The following NKAIN3 variants were observed in gnomAD, a reference collection of about 807,000 sequenced individuals.
The protein encoded by NKAIN3 is sodium/potassium transporting ATPase interacting 3.
In NKAIN3, 25 loss-of-function variants were observed where a neutral mutation model predicts 30.2. The ratio of observed to expected loss-of-function variants is 0.83; its 90% CI spans 0.60 to 1.16. The LOEUF is 1.16. Ranked by LOEUF, NKAIN3 falls within the 50% of genes most tolerant of loss-of-function variation. The probability of loss-of-function intolerance (pLI) is 0.00; values close to 1 mark genes in which losing one functional copy is unlikely to be tolerated. For missense variants in NKAIN3, 225 were observed against 254.1 expected (o/e 0.89, Z 0.78); for synonymous variants, 91 against 89.6 (o/e 1.02, Z -0.09).
At chr8:62,762,417 A>C (rs528423969) in intron 4 of NKAIN3, among the ~76,000 whole-genome samples, 2 of 152,356 alleles carry the variant, frequency 1.3e-5, no homozygotes, top group South Asian at 4.1e-4. Context: ...ACAAAAATTC[A>C]TATGGGTAGA....
chr8:62,846,056 T>C lies in NKAIN3; in HGVS notation c.472-72397T>C, dbSNP rs541259046. ...AATTGCTATCCATAAGATAGAAAAATCTCAATTAGAACTTGAATTCTTAAA... is the reference window on the plus strand; with the variant it reads ...AATTGCTATCCATAAGATAGAAAAACCTCAATTAGAACTTGAATTCTTAAA... On this transcript the variant is annotated intron_variant, in intron 4 of 6. Transcript: ENST00000623646. 9.2e-5 allele frequency among the ~76,000 whole-genome samples: 14 copies of C among 152,172 alleles called. 1 individual carries two copies. The South Asian group carries it at 2.9e-3, about 32-fold the overall frequency.
rs145975432 is a variant in NKAIN3 at position 62,562,949 on chromosome 8, C to T, written c.55-16590C>T. Reference sequence around the variant, plus strand: ...TAACCCTGTCTCCTGTCGTCTCATGCTGGGTTGCCATTTACGTAAAACCAC... The same window carrying T: ...TAACCCTGTCTCCTGTCGTCTCATGTTGGGTTGCCATTTACGTAAAACCAC... On this transcript the variant is annotated intron_variant, in intron 1 of 6. Transcript: ENST00000623646. Among the ~76,000 whole-genome samples, 17 of 152,174 alleles carry T rather than the reference C, an allele frequency of 1.1e-4. No individual in the cohort carries two copies. In the East Asian group the frequency reaches 3.3e-3, roughly 30 times the overall value.
At chr8:62,385,763 G>A (rs1817408602) in intron 1 of NKAIN3, among the ~76,000 whole-genome samples, 1 of 152,128 alleles carries the variant, frequency 6.6e-6, no homozygotes, top group Admixed American at 6.6e-5. Flanking sequence ...GCCTTTTCCA[G>A]AATGGTGTAT....
At position 62,400,168 on chromosome 8, in the gene NKAIN3, T is replaced by TC. The variant is rs528210845; in HGVS notation, c.54+151041_54+151042insC. Among the ~76,000 whole-genome samples, 152 of 146,850 alleles carry TC rather than the reference T, an allele frequency of 1.0e-3. 1 individual carries two copies. The highest frequency in any genetic ancestry group is 3.7e-3 in the African/African-American group (147 of 39,932). ...TGTGGTAGATGCTATATTTTCTTTTTTTTTTTTTTTTTTTTGAGACAGAGT... is the reference window on the plus strand; with the variant it reads ...TGTGGTAGATGCTATATTTTCTTTTTCTTTTTTTTTTTTTTTGAGACAGAGT... On this transcript the variant is annotated intron_variant, in intron 1 of 6. Transcript: ENST00000623646.
At chr8:62,330,395 G>A (rs565161581) in intron 1 of NKAIN3, among the ~76,000 whole-genome samples, 1 of 152,160 alleles carries the variant, frequency 6.6e-6, no homozygotes, top group East Asian at 1.9e-4. Context: ...AAGGTCCTGG[G>A]AGTCTAAGAG....
intron 4 of NKAIN3, chr8:62,855,656 T>C: frequency 6.2e-7 from 1 of 1,604,290 alleles, no homozygotes; most frequent in Non-Finnish European, 8.5e-7. Context: ...GTTCCTGAAG[T>C]GCTGCTGCAG....
At chr8:62,903,332 G>A (rs1563620289) in intron 4 of NKAIN3, among the ~76,000 whole-genome samples, 2 of 152,250 alleles carry the variant, frequency 1.3e-5, no homozygotes, top group South Asian at 4.1e-4. Context: ...GATTCCTGAA[G>A]GAACAGTAGG....
intron 4 of NKAIN3, among the ~76,000 whole-genome samples, chr8:62,916,529 T>C (rs79570644): frequency 0.028 from 4,308 of 152,266 alleles, 200 homozygotes; most frequent in African/African-American, 0.098. Context: ...CACTGTCCCT[T>C]CAAGTACACA....
chr8:62,982,381 GT>G lies in NKAIN3; in HGVS notation c.*16977del, dbSNP rs1824103917. ...GAATGGAGAGCCCTTTCAATGTGGC[GT>G]TTCTGTTTCTTCCATAACCTCACAA... On this transcript the variant is annotated 3_prime_UTR_variant, in exon 7 of 7. Transcript: ENST00000623646. 6.6e-6 allele frequency: 1 copy of G among 152,108 alleles called. No individual in the cohort carries two copies. The highest frequency in any genetic ancestry group is 1.5e-5 in the Non-Finnish European group (1 of 68,016). 9.4% of individuals were successfully genotyped at this position (152,108 alleles called of 1,614,324 possible). A position where few individuals can be genotyped will look rare whatever the true frequency, so the allele number is the denominator to read the frequency against.
intron 1 of NKAIN3, among the ~76,000 whole-genome samples, chr8:62,514,780 G>A (rs559008795): frequency 7.0e-4 from 106 of 152,122 alleles, no homozygotes; most frequent in Non-Finnish European, 4.9e-4. Flanking sequence ...GGATGAGTGT[G>A]GAGCTAGGCG....
chr8:62,930,505 C>T (rs1050335373), intron 5 of NKAIN3, among the ~76,000 whole-genome samples: 4 of 152,046 alleles, frequency 2.6e-5, no homozygotes, highest in Non-Finnish European at 5.9e-5. Context: ...CCACCCGCCT[C>T]GGCCTCCCAA....
At chr8:62,295,083 A>G (rs1169852966) in intron 1 of NKAIN3, among the ~76,000 whole-genome samples, 1 of 152,172 alleles carries the variant, frequency 6.6e-6, no homozygotes, top group Non-Finnish European at 1.5e-5. Context: ...AGGGTATAAC[A>G]AATCAAGGAG....
intron 1 of NKAIN3, among the ~76,000 whole-genome samples, chr8:62,502,622 G>T (rs975132972): frequency 1.3e-5 from 2 of 150,820 alleles, no homozygotes; most frequent in African/African-American, 4.9e-5. Flanking sequence ...AGAATTCTTG[G>T]TATTCTCTGT....
chr8:62,340,474 GAGA>G (rs1815705817), intron 1 of NKAIN3, among the ~76,000 whole-genome samples: 1 of 151,978 alleles, frequency 6.6e-6, no homozygotes, highest in Admixed American at 6.6e-5. Flanking sequence ...GGTGAAATAG[GAGA>G]AGGAGAAAGG....
intron 4 of NKAIN3, among the ~76,000 whole-genome samples, chr8:62,845,053 A>G (rs138464051): frequency 6.6e-6 from 1 of 151,984 alleles, no homozygotes; most frequent in Admixed American, 6.6e-5. Context: ...ACCGTAAATC[A>G]TCAAAGAACC....
At chr8:62,400,452 A>T (rs1457600824) in intron 1 of NKAIN3, among the ~76,000 whole-genome samples, 1 of 152,142 alleles carries the variant, frequency 6.6e-6, no homozygotes, top group African/African-American at 2.4e-5. Context: ...CATTACAGGC[A>T]TGAGTCATGA....
In NKAIN3 at chr8:62,493,288, C is replaced by T. The variant is rs187793473; in HGVS notation, c.55-86251C>T. Among the ~76,000 whole-genome samples the T allele has an allele frequency of 2.9e-4, 44 of 152,230 alleles. No homozygotes were observed. In the East Asian group the frequency reaches 7.9e-3, roughly 27 times the overall value. ...CCATTTATTGAATAGGGACTCCTTT[C>T]CTCATTGCTTGTTTTTGTCACCTTT... On this transcript the variant is annotated intron_variant, in intron 1 of 6. Coordinates refer to ENST00000623646, the MANE Select transcript of NKAIN3 (RefSeq NM_001304533.3).
At chr8:62,735,855 C>G (rs940985652) in intron 3 of NKAIN3, among the ~76,000 whole-genome samples, 64 of 152,054 alleles carry the variant, frequency 4.2e-4, no homozygotes, top group African/African-American at 1.4e-3. Context: ...TGCTCTCCCC[C>G]CTTTCCCTAG....
intron 1 of NKAIN3, among the ~76,000 whole-genome samples, chr8:62,355,393 G>A (rs1333356579): frequency 1.3e-5 from 2 of 152,140 alleles, no homozygotes; most frequent in African/African-American, 2.4e-5. Flanking sequence ...CCTTGCTTCT[G>A]GGATCAGCAT....
Sources: gnomAD v4.1 joint callset for allele counts (sites outside exome capture counted in the v4.1 genomes callset) on GRCh38, gnomAD v4.1.1 for gene constraint, MANE v1.5 for transcripts, NCBI Gene and HGNC (gene_info 2026-07-23, HGNC 2026-07-21) for gene names.